KCNQ3: variants seen among roughly 807,000 people sequenced by gnomAD.
The protein encoded by KCNQ3 is potassium voltage-gated channel subfamily Q member 3, also known as potassium voltage-gated channel subfamily KQT member 3.
Under a neutral mutation model 92.5 loss-of-function variants are expected in KCNQ3, and 30 were observed. The ratio of observed to expected loss-of-function variants is 0.32; its 90% CI spans 0.24 to 0.44. The LOEUF (loss-of-function observed/expected upper bound fraction) is 0.44, where lower values mean the gene tolerates loss of function less well. Among genes scored for constraint, KCNQ3 ranks in the 20% least tolerant of loss-of-function variants. The pLI, the probability that KCNQ3 is intolerant of heterozygous loss-of-function variation, is 1.00. For missense variants in KCNQ3, 913 were observed against 1,140.3 expected (o/e 0.80, Z 2.87); for synonymous variants, 450 against 468.8 (o/e 0.96, Z 0.52).
At chr8:132,264,195 T>C (rs187170388) in intron 1 of KCNQ3, among the ~76,000 whole-genome samples, 55 of 152,312 alleles carry the variant, frequency 3.6e-4, no homozygotes, top group Non-Finnish European at 6.6e-4. Flanking sequence ...CTATTTCATT[T>C]TAGTCTTCAG....
chr8:132,462,169 A>T (rs1330108321), intron 1 of KCNQ3, among the ~76,000 whole-genome samples: 1 of 121,136 alleles, frequency 8.3e-6, no homozygotes, highest in Non-Finnish European at 1.7e-5. Flanking sequence ...TGAATTGTAC[A>T]TTTATTTATG....
At chr8:132,312,623 G>T (rs1373008547) in intron 1 of KCNQ3, among the ~76,000 whole-genome samples, 1 of 152,170 alleles carries the variant, frequency 6.6e-6, no homozygotes, top group Non-Finnish European at 1.5e-5. Flanking sequence ...TCAAGGGAGA[G>T]ACCTGGTAGG....
At chr8:132,376,664 G>A (rs754379429) in intron 1 of KCNQ3, among the ~76,000 whole-genome samples, 1 of 152,196 alleles carries the variant, frequency 6.6e-6, no homozygotes, top group Non-Finnish European at 1.5e-5. Context: ...CCTGCAAATT[G>A]TAACTCACAT....
chr8:132,409,069 A>G (rs894027722), intron 1 of KCNQ3, among the ~76,000 whole-genome samples: 1 of 152,236 alleles, frequency 6.6e-6, no homozygotes, highest in Non-Finnish European at 1.5e-5. Context: ...GTTATATAGC[A>G]GTAAAATCTC....
At chr8:132,425,321 A>C (rs922734537) in intron 1 of KCNQ3, among the ~76,000 whole-genome samples, 3 of 152,256 alleles carry the variant, frequency 2.0e-5, no homozygotes, top group African/African-American at 7.2e-5. Flanking sequence ...ACACTCTGTA[A>C]TGTAAGTAGC....
At chr8:132,427,485 G>A (rs954942041) in intron 1 of KCNQ3, among the ~76,000 whole-genome samples, 6 of 152,094 alleles carry the variant, frequency 3.9e-5, no homozygotes, top group African/African-American at 1.4e-4. Flanking sequence ...GGCTAATTGT[G>A]TTTTTTTTCT....
Position 132,134,648 on chromosome 8 carries a change from T to G in KCNQ3, c.1701-260A>C, listed in dbSNP as rs549201166. Among the ~76,000 whole-genome samples, 23 of 151,994 alleles carry G rather than the reference T, an allele frequency of 1.5e-4. No homozygotes were observed. The East Asian group carries it at 3.7e-3, about 24-fold the overall frequency. ...AGAGAGAACCTATAACCTCGGTATATTCTTCCGCTTGTTTTGATCTGGTGA... is the reference window on the plus strand; with the variant it reads ...AGAGAGAACCTATAACCTCGGTATAGTCTTCCGCTTGTTTTGATCTGGTGA... On this transcript the variant is annotated intron_variant, in intron 12 of 14. Coordinates refer to ENST00000388996, the MANE Select transcript of KCNQ3 (RefSeq NM_004519.4).
intron 1 of KCNQ3, among the ~76,000 whole-genome samples, chr8:132,223,768 T>G (rs940892344): frequency 2.0e-5 from 3 of 152,168 alleles, no homozygotes; most frequent in African/African-American, 7.2e-5. Context: ...CAGGTACTCA[T>G]AGAGAGACTA....
chr8:132,347,978 A>T (rs1202426624), intron 1 of KCNQ3, among the ~76,000 whole-genome samples: 1 of 63,244 alleles, frequency 1.6e-5, no homozygotes, highest in African/African-American at 9.3e-5. Context: ...GACTCCATCT[A>T]AAAAAAAAAA....
At chr8:132,327,888 C>G (rs956232983) in intron 1 of KCNQ3, among the ~76,000 whole-genome samples, 1 of 151,998 alleles carries the variant, frequency 6.6e-6, no homozygotes, top group African/African-American at 2.4e-5. Context: ...TACAGAGGAC[C>G]CCACCTGTAC....
At chr8:132,420,344 G>A (rs1820933582) in intron 1 of KCNQ3, among the ~76,000 whole-genome samples, 1 of 152,166 alleles carries the variant, frequency 6.6e-6, no homozygotes, top group Non-Finnish European at 1.5e-5. Flanking sequence ...GAATATTTGG[G>A]TGGGTAAGTC....
intron 1 of KCNQ3, among the ~76,000 whole-genome samples, chr8:132,385,647 G>A (rs936283659): frequency 2.0e-5 from 3 of 152,138 alleles, no homozygotes; most frequent in Non-Finnish European, 4.4e-5. Context: ...ACCATGGAAT[G>A]ATGCAGTAAG....
chr8:132,175,381 G>A, intron 5 of KCNQ3, 72 bp downstream of exon 5: 6 of 1,531,680 alleles, frequency 3.9e-6, no homozygotes, highest in Non-Finnish European at 5.4e-6. Flanking sequence ...ACATGCTCAT[G>A]TGATGCCCTC....
intron 1 of KCNQ3, among the ~76,000 whole-genome samples, chr8:132,474,585 T>C (rs886660787): frequency 8.5e-5 from 13 of 152,188 alleles, no homozygotes; most frequent in African/African-American, 2.9e-4. Flanking sequence ...TTACTGTTAC[T>C]GGGATAGTAG....
intron 1 of KCNQ3, among the ~76,000 whole-genome samples, chr8:132,478,926 T>C (rs1413278382): frequency 1.3e-5 from 2 of 148,906 alleles, no homozygotes; most frequent in African/African-American, 2.5e-5. Flanking sequence ...CATGGGTGAA[T>C]TGGAGGAGAA....
At chr8:132,266,643 C>T (rs982074928) in intron 1 of KCNQ3, among the ~76,000 whole-genome samples, 2 of 152,130 alleles carry the variant, frequency 1.3e-5, no homozygotes, top group African/African-American at 2.4e-5. Flanking sequence ...ATCAGAGGGT[C>T]CCAGAGGCCG....
intron 13 of KCNQ3, 79 bp from the exon 14 acceptor site, chr8:132,132,343 G>T (rs1229074975): frequency 1.9e-6 from 2 of 1,065,388 alleles, no homozygotes; most frequent in Admixed American, 1.7e-5. Flanking sequence ...GGCAGGCCAT[G>T]GCCAACAGAG....
intron 9 of KCNQ3, among the ~76,000 whole-genome samples, chr8:132,144,112 T>TA (rs1304980733): frequency 7.2e-5 from 11 of 152,340 alleles, no homozygotes; most frequent in African/African-American, 2.6e-4. Flanking sequence ...GTTAGATATT[T>TA]AAATGCTTCA....
intron 1 of KCNQ3, among the ~76,000 whole-genome samples, chr8:132,401,970 G>GCCT (rs78859051): frequency 0.56 from 85,171 of 151,628 alleles, 25,519 homozygotes; most frequent in South Asian, 0.73. Context: ...TGGTGCAGTC[G>GCCT]GGCAGTTGCT....
Sources: allele counts gnomAD v4.1 joint callset (sites outside exome capture counted in the v4.1 genomes callset), GRCh38; gene constraint gnomAD v4.1.1; transcripts MANE v1.5; gene names NCBI Gene and HGNC (gene_info 2026-07-23, HGNC 2026-07-21).